The following SNX9 variants were observed in gnomAD, a reference collection of about 807,000 sequenced individuals.
SNX9 encodes sorting nexin 9.
A neutral mutation model predicts 89.4 loss-of-function variants in SNX9; 44 were observed. The ratio of observed to expected loss-of-function variants is 0.49; its 90% CI spans 0.39 to 0.63. SNX9 has a LOEUF of 0.63. Among genes scored for constraint, SNX9 ranks in the 30% least tolerant of loss-of-function variants. SNX9 has a pLI of 0.00. For missense variants in SNX9, 578 were observed against 736.1 expected (o/e 0.79, Z 2.49); for synonymous variants, 236 against 247.8 (o/e 0.95, Z 0.45).
intron 8 of SNX9, 30 bp from the exon 9 acceptor site, chr6:157,909,878 G>A (rs1204151445): frequency 1.2e-6 from 2 of 1,612,158 alleles, no homozygotes; most frequent in East Asian, 2.2e-5. Flanking sequence ...GTTGGCATTG[G>A]TAACCTTTTC....
At chr6:157,879,994 A>G (rs958094969) in intron 4 of SNX9, among the ~76,000 whole-genome samples, 35 of 152,230 alleles carry the variant, frequency 2.3e-4, no homozygotes, top group African/African-American at 8.0e-4. Context: ...TTCAAATACT[A>G]GAAAGATGTG....
At chr6:157,906,084 C>A (rs1401240747) in intron 6 of SNX9, 44 bp from the exon 7 acceptor site, 6 of 1,526,268 alleles carry the variant, frequency 3.9e-6, no homozygotes. Context: ...AAAATTCTTA[C>A]AAGGAAAGTC....
In SNX9 at chr6:157,943,060, T is replaced by C. The variant is rs1222475641; in HGVS notation, c.*222T>C. ...CATCCATTATTTAAACCAGTGGAAA[T>C]TGTCTCTATTTTTGGAAAGTACTTA... is the stretch of plus-strand genomic sequence containing the variant. On this transcript the variant is annotated 3_prime_UTR_variant, in exon 18 of 18. Transcript: ENST00000392185. 4.9e-6 allele frequency: 2 copies of C among 409,870 alleles called. No individual in the cohort carries two copies. Among genetic ancestry groups the C allele is most frequent in the South Asian group, 6.3e-5 (1 of 15,970 alleles). 25.4% of individuals were successfully genotyped at this position (409,870 alleles called of 1,614,324 possible).
intron 3 of SNX9, chr6:157,874,264 A>G (rs1041007072): frequency 6.6e-6 from 1 of 152,282 alleles, no homozygotes; most frequent in Non-Finnish European, 1.5e-5. Context: ...CCTTTTCCAT[A>G]CAACTGCAAC....
At chr6:157,919,194 A>C (rs1263416658) in intron 9 of SNX9, among the ~76,000 whole-genome samples, 1 of 152,200 alleles carries the variant, frequency 6.6e-6, no homozygotes, top group African/African-American at 2.4e-5. Context: ...CTTTATTTTT[A>C]GAGGATAGTC....
chr6:157,839,827 C>T (rs957946661), intron 1 of SNX9, among the ~76,000 whole-genome samples: 1 of 152,210 alleles, frequency 6.6e-6, no homozygotes, highest in African/African-American at 2.4e-5. Context: ...CCACCACTTC[C>T]TTGCTGTGCT....
chr6:157,824,331 C>A (rs2115098633), intron 1 of SNX9, among the ~76,000 whole-genome samples: 1 of 152,246 alleles, frequency 6.6e-6, no homozygotes, highest in East Asian at 1.9e-4. Flanking sequence ...GTCACGGTCA[C>A]GGAAGGGAGG....
chr6:157,826,818 ATATAT>A (rs1283834765), intron 1 of SNX9, among the ~76,000 whole-genome samples: 2 of 99,826 alleles, frequency 2.0e-5, no homozygotes, highest in East Asian at 2.7e-4. Context: ...ATATATAAAT[ATATAT>A]TATATTTTAT....
intron 1 of SNX9, among the ~76,000 whole-genome samples, chr6:157,840,889 G>T (rs1322597040): frequency 2.0e-5 from 3 of 152,124 alleles, no homozygotes; most frequent in Non-Finnish European, 2.9e-5. Flanking sequence ...AGACCATTTG[G>T]CTGTTACCGT....
intron 17 of SNX9, among the ~76,000 whole-genome samples, chr6:157,942,295 G>T (rs1784050816): frequency 1.3e-5 from 2 of 152,234 alleles, no homozygotes; most frequent in Non-Finnish European, 2.9e-5. Flanking sequence ...AGACAGCTGT[G>T]CCTTCAAGGA....
chr6:157,870,712 A>C (rs1782386799), intron 2 of SNX9, among the ~76,000 whole-genome samples: 1 of 145,768 alleles, frequency 6.9e-6, no homozygotes, highest in Non-Finnish European at 1.5e-5. Flanking sequence ...ACCTGCTCTC[A>C]TACATACATG....
intron 4 of SNX9, among the ~76,000 whole-genome samples, chr6:157,878,592 C>T (rs1782563287): frequency 2.6e-5 from 4 of 151,978 alleles, no homozygotes; most frequent in Admixed American, 2.6e-4. Context: ...GCCACTACGC[C>T]CAGGTAATTT....
At chr6:157,832,443 T>C (rs1781495580) in intron 1 of SNX9, among the ~76,000 whole-genome samples, 1 of 152,228 alleles carries the variant, frequency 6.6e-6, no homozygotes, top group Non-Finnish European at 1.5e-5. Context: ...CAGTGCAGGC[T>C]CCTGGCACAG....
intron 9 of SNX9, among the ~76,000 whole-genome samples, chr6:157,920,389 G>A (rs534627346): frequency 6.6e-6 from 1 of 152,294 alleles, no homozygotes; most frequent in Admixed American, 6.5e-5. Flanking sequence ...ATTGAACATG[G>A]CATCTCCCAT....
At chr6:157,851,069 C>G (rs1781900234) in intron 1 of SNX9, among the ~76,000 whole-genome samples, 1 of 151,918 alleles carries the variant, frequency 6.6e-6, no homozygotes, top group Non-Finnish European at 1.5e-5. Flanking sequence ...CAACCTGGCC[C>G]ACATGGTGAA....
At position 157,828,600 on chromosome 6, in the gene SNX9, C is replaced by A. The variant is rs993493200; in HGVS notation, c.12+5154C>A. Reference sequence around the variant, plus strand: ...TCTCGACTTCCCTGGCTCAGGTGATCCTTCCACCTCAGTCTCCCAAGTAGC... The same window carrying A: ...TCTCGACTTCCCTGGCTCAGGTGATACTTCCACCTCAGTCTCCCAAGTAGC... On this transcript the variant is annotated intron_variant, in intron 1 of 17. Coordinates refer to ENST00000392185, the MANE Select transcript of SNX9 (RefSeq NM_016224.5). 3.3e-5 allele frequency among the ~76,000 whole-genome samples: 5 copies of A among 152,116 alleles called. 1 individual carries two copies. The highest frequency in any genetic ancestry group is 4.2e-4 in the South Asian group (2 of 4,814).
At chr6:157,866,627 C>G (rs1038617408) in intron 1 of SNX9, among the ~76,000 whole-genome samples, 7 of 152,120 alleles carry the variant, frequency 4.6e-5, no homozygotes, top group African/African-American at 1.7e-4. Context: ...AAAATCATGG[C>G]TGTTTAGGTA....
chr6:157,942,348 C>G (rs1784051944), intron 17 of SNX9, among the ~76,000 whole-genome samples: 1 of 152,226 alleles, frequency 6.6e-6, no homozygotes, highest in Non-Finnish European at 1.5e-5. Flanking sequence ...GCCTCGTTAG[C>G]TTCACAGGCA....
In SNX9 at chr6:157,932,972, C is replaced by G. The variant is rs535905213; in HGVS notation, c.1366+700C>G. On this transcript the variant is annotated intron_variant, in intron 13 of 17. Transcript: ENST00000392185. ...TGTGTGTTGCCTGTTTTCTCCTTAA[C>G]TCATAACTGTTTCAGCTTATCCTAT... Among the ~76,000 whole-genome samples, 17 of 147,924 alleles carry G rather than the reference C, an allele frequency of 1.1e-4. 1 individual carries two copies. The highest frequency in any genetic ancestry group is 3.9e-4 in the African/African-American group (16 of 40,528).
Sources: allele counts gnomAD v4.1 joint callset (sites outside exome capture counted in the v4.1 genomes callset), GRCh38; gene constraint gnomAD v4.1.1; transcripts MANE v1.5; gene names NCBI Gene and HGNC (gene_info 2026-07-23, HGNC 2026-07-21).